Variants in ADAMTS18 observed in about 807,000 individuals in gnomAD.
The protein encoded by ADAMTS18 is A disintegrin and metalloproteinase with thrombospondin motifs 18.
In ADAMTS18, 157 loss-of-function variants were observed where a neutral mutation model predicts 165.9. The ratio of observed to expected loss-of-function variants is 0.95; its 90% CI spans 0.83 to 1.08. ADAMTS18 has a LOEUF of 1.08. Among genes scored for constraint, ADAMTS18 ranks in the 50% least tolerant of loss-of-function variants. The pLI is 0.00. For synonymous variants in ADAMTS18, 782 were observed against 578.2 expected (o/e 1.35, Z -5.06); for missense variants, 2,040 against 1,534.0 (o/e 1.33, Z -5.51).
rs1300950950 is a variant in ADAMTS18, at chr16:77,296,428, C to T, written c.2801+861G>A. ...CGCATAATATTATGATTTTTAAATTCTTGGACCATTTACAAAAAAGTTAGG... is the reference window on the plus strand; with the variant it reads ...CGCATAATATTATGATTTTTAAATTTTTGGACCATTTACAAAAAAGTTAGG... On this transcript the variant is annotated intron_variant, in intron 18 of 22. Transcript: ENST00000282849. Among the ~76,000 whole-genome samples the T allele has an allele frequency of 2.6e-5, 4 of 152,020 alleles. No individual in the cohort carries two copies. In the East Asian group the frequency reaches 7.7e-4, roughly 29 times the overall value.
intron 12 of ADAMTS18, among the ~76,000 whole-genome samples, chr16:77,328,954 C>A (rs1178799354): frequency 1.3e-5 from 2 of 152,172 alleles, no homozygotes; most frequent in Non-Finnish European, 2.9e-5. Flanking sequence ...CAAGCTCAGG[C>A]CTGTGGACTC....
In ADAMTS18 at chr16:77,289,430, GAA is replaced by G. The variant is rs796112012; in HGVS notation, c.3403-21_3403-20del. On this transcript the variant is annotated intron_variant, in intron 21 of 22. Transcript: ENST00000282849. ...CTGTGCACTGCAGCAGAGAGAAGAG[GAA>G]GGAGTCAGAAACACTCTACTGAGGT... 5.6e-6 allele frequency: 9 copies of G among 1,613,374 alleles called. No homozygotes were observed. The African/African-American group carries it at 1.2e-4, about 22-fold the overall frequency.
rs2055957790 is a variant in ADAMTS18 at position 77,319,869 on chromosome 16, T to G, written c.2512A>C (p.Asn838His). The G allele has an allele frequency of 6.2e-7, 1 of 1,614,012 alleles. No homozygotes were observed. The highest frequency in any genetic ancestry group is 1.7e-5 in the Admixed American group (1 of 60,008). The change falls in exon 16 of 23, where the codon AAT becomes CAT. Residue 838 changes from asparagine (N) to histidine (H), a missense_variant. Transcript: ENST00000282849. Reference sequence around the variant, plus strand: ...CTTACTTCAAAGACCAGCGTCTCATTTGTGGGCCCTGGCGCGTACAGACGT... The same window carrying G: ...CTTACTTCAAAGACCAGCGTCTCATGTGTGGGCCCTGGCGCGTACAGACGT... ...PERLYAPGPTNETLVFEILMQ... is the reference protein window; with the variant it reads ...PERLYAPGPTHETLVFEILMQ...
At position 77,382,547 on chromosome 16, in the gene ADAMTS18, A is replaced by G. The variant is rs76547538; in HGVS notation, c.496-14824T>C. On this transcript the variant is annotated intron_variant, in intron 3 of 22. Transcript: ENST00000282849. ...TTAAAAGGACAGATACTGAAGCTACATGACCTTTACAAGTGGTTTGGTCAT... is the reference window on the plus strand; with the variant it reads ...TTAAAAGGACAGATACTGAAGCTACGTGACCTTTACAAGTGGTTTGGTCAT... 5.3e-3 allele frequency among the ~76,000 whole-genome samples: 805 copies of G among 152,330 alleles called. 12 individuals carry two copies. Among genetic ancestry groups the G allele is most frequent in the African/African-American group, 0.019 (772 of 41,590 alleles).
At chr16:77,337,763 C>T (rs998808416) in intron 11 of ADAMTS18, among the ~76,000 whole-genome samples, 1 of 152,130 alleles carries the variant, frequency 6.6e-6, no homozygotes, top group East Asian at 1.9e-4. Flanking sequence ...CTCCATTTGG[C>T]CTTTTAATCA....
intron 3 of ADAMTS18, among the ~76,000 whole-genome samples, chr16:77,413,526 C>G (rs1415088848): frequency 6.6e-6 from 1 of 152,102 alleles, no homozygotes; most frequent in Non-Finnish European, 1.5e-5. Context: ...AAGTCAGATA[C>G]AATTTATTTT....
intron 3 of ADAMTS18, among the ~76,000 whole-genome samples, chr16:77,424,399 C>G (rs578159756): frequency 6.6e-6 from 1 of 150,980 alleles, no homozygotes; most frequent in Non-Finnish European, 1.5e-5. Context: ...ACCCGTGAGG[C>G]AGAGGTTGCA....
chr16:77,381,438 C>A (rs1337470200), intron 3 of ADAMTS18, among the ~76,000 whole-genome samples: 1 of 152,110 alleles, frequency 6.6e-6, no homozygotes, highest in African/African-American at 2.4e-5. Context: ...TTCAAAAGGA[C>A]CAGAAAAACA....
intron 3 of ADAMTS18, among the ~76,000 whole-genome samples, chr16:77,430,803 T>C (rs1230035236): frequency 2.6e-5 from 4 of 152,182 alleles, no homozygotes; most frequent in Non-Finnish European, 2.9e-5. Context: ...TCTAAAAGGA[T>C]GTCTTATGTG....
At chr16:77,393,384 C>T (rs2057215440) in intron 3 of ADAMTS18, among the ~76,000 whole-genome samples, 1 of 152,176 alleles carries the variant, frequency 6.6e-6, no homozygotes. Context: ...TACACTGTTA[C>T]ACATGAACGA....
rs75353703 is a variant in ADAMTS18 at position 77,381,295 on chromosome 16, G to C, written c.496-13572C>G. ...GTTCAGATTCAGGAAAGGTTCCAGAGAGGGTGGGGGTGGGGGACAGCTGAA... is the reference window on the plus strand; with the variant it reads ...GTTCAGATTCAGGAAAGGTTCCAGACAGGGTGGGGGTGGGGGACAGCTGAA... On this transcript the variant is annotated intron_variant, in intron 3 of 22. Coordinates refer to ENST00000282849, the MANE Select transcript of ADAMTS18 (RefSeq NM_199355.4). Among the ~76,000 whole-genome samples the C allele has an allele frequency of 5.3e-3, 802 of 151,592 alleles. 12 individuals are homozygous for C. The highest frequency in any genetic ancestry group is 0.019 in the African/African-American group (767 of 41,176).
At chr16:77,425,730 A>T (rs1467295147) in intron 3 of ADAMTS18, among the ~76,000 whole-genome samples, 3 of 152,154 alleles carry the variant, frequency 2.0e-5, no homozygotes, top group East Asian at 3.9e-4. Flanking sequence ...CAAGATGTTG[A>T]TGGAAGTGTG....
chr16:77,378,004 C>T (rs1418329824), intron 3 of ADAMTS18, among the ~76,000 whole-genome samples: 4 of 152,010 alleles, frequency 2.6e-5, no homozygotes, highest in African/African-American at 7.2e-5. Context: ...TTGAGGAAAA[C>T]CATTGGTAAA....
chr16:77,331,107 T>C (rs140250603), intron 12 of ADAMTS18, among the ~76,000 whole-genome samples: 48 of 152,334 alleles, frequency 3.2e-4, no homozygotes, highest in Non-Finnish European at 6.6e-4. Flanking sequence ...CTGCACTGAA[T>C]GAAAATACTT....
chr16:77,361,733 A>G (rs1271130362), intron 7 of ADAMTS18, among the ~76,000 whole-genome samples: 1 of 152,050 alleles, frequency 6.6e-6, no homozygotes, highest in Non-Finnish European at 1.5e-5. Context: ...AAAATACAAA[A>G]ATTAGCCAGG....
chr16:77,377,828 G>T (rs2056974502), intron 3 of ADAMTS18, among the ~76,000 whole-genome samples: 1 of 152,136 alleles, frequency 6.6e-6, no homozygotes, highest in Admixed American at 6.5e-5. Context: ...TGCCCAACAT[G>T]TACAAGAATA....
intron 3 of ADAMTS18, among the ~76,000 whole-genome samples, chr16:77,417,511 C>T (rs750138910): frequency 2.2e-4 from 34 of 152,160 alleles, no homozygotes; most frequent in African/African-American, 4.6e-4. Flanking sequence ...GTCTATTCAA[C>T]GAAGGGACGG....
At chr16:77,364,908 C>G (rs561774117) in intron 4 of ADAMTS18, among the ~76,000 whole-genome samples, 2 of 152,042 alleles carry the variant, frequency 1.3e-5, no homozygotes, top group African/African-American at 4.8e-5. Context: ...GAGTTTGACA[C>G]CAGCCTGGCC....
intron 3 of ADAMTS18, among the ~76,000 whole-genome samples, chr16:77,397,961 T>G (rs1471582726): frequency 6.6e-6 from 1 of 152,104 alleles, no homozygotes. Flanking sequence ...ACCTTAGGAT[T>G]TGAGTTTGGG....
Sources: allele counts gnomAD v4.1 joint callset (sites outside exome capture counted in the v4.1 genomes callset), GRCh38; gene constraint gnomAD v4.1.1; transcripts MANE v1.5; gene names NCBI Gene and HGNC (gene_info 2026-07-23, HGNC 2026-07-21).